Variants in FARS2 observed in about 807,000 individuals in gnomAD.
FARS2 encodes phenylalanine--tRNA ligase, mitochondrial.
In FARS2, 40 loss-of-function variants were observed where a neutral mutation model predicts 46.4. That is an observed-to-expected ratio of 0.86 (90% CI 0.67 to 1.12). The LOEUF (loss-of-function observed/expected upper bound fraction) is 1.12, where lower values mean the gene tolerates loss of function less well. Ranked by LOEUF, FARS2 falls within the 50% of genes most tolerant of loss-of-function variation. The pLI is 0.00. For synonymous variants in FARS2, 234 were observed against 214.9 expected (o/e 1.09, Z -0.78); for missense variants, 513 against 567.9 (o/e 0.90, Z 0.98).
intron 6 of FARS2, among the ~76,000 whole-genome samples, chr6:5,670,023 T>A (rs561181703): frequency 6.6e-6 from 1 of 152,332 alleles, no homozygotes; most frequent in South Asian, 2.1e-4. Context: ...TGATTTCTGT[T>A]CATATTCAAA....
At chr6:5,344,748 C>G (rs1177272445) in intron 1 of FARS2, among the ~76,000 whole-genome samples, 1 of 151,650 alleles carries the variant, frequency 6.6e-6, no homozygotes, top group Non-Finnish European at 1.5e-5. Flanking sequence ...CCCGCTTCTT[C>G]ACTATGTAAC....
At position 5,508,582 on chromosome 6, in the gene FARS2, A is replaced by G. The variant is rs1768241926; in HGVS notation, c.905-36598A>G. 3.3e-5 allele frequency among the ~76,000 whole-genome samples: 5 copies of G among 152,216 alleles called. No homozygotes were observed. In the South Asian group the frequency reaches 1.0e-3, roughly 31 times the overall value. ...CTGAAGCCCTCCCAGCAGTGGAGGA[A>G]AGCATGGGTGTACCCACAGGGAGGG... On this transcript the variant is annotated intron_variant, in intron 4 of 6. Transcript: ENST00000274680.
In FARS2 at chr6:5,338,271, A is replaced by G. The variant is rs181524210; in HGVS notation, c.-21-30279A>G. 3.6e-3 allele frequency among the ~76,000 whole-genome samples: 554 copies of G among 152,302 alleles called. 16 individuals are homozygous for G. The highest frequency in any genetic ancestry group is 1.1e-3 in the Non-Finnish European group (76 of 68,026). On this transcript the variant is annotated intron_variant, in intron 1 of 6. Coordinates refer to ENST00000274680, the MANE Select transcript of FARS2 (RefSeq NM_006567.5). ...TATTCATGTGAATTTCCTACTAACT[A>G]ACTTGCTCTCACGATGTGCTGTTTT... is the stretch of plus-strand genomic sequence containing the variant.
chr6:5,433,687 C>T (rs893501098), intron 4 of FARS2, among the ~76,000 whole-genome samples: 2 of 152,172 alleles, frequency 1.3e-5, no homozygotes, highest in Non-Finnish European at 2.9e-5. Context: ...CTTCAAATAC[C>T]TCTGTGATGA....
intron 5 of FARS2, among the ~76,000 whole-genome samples, chr6:5,603,396 A>G (rs1290297256): frequency 1.3e-5 from 2 of 152,224 alleles, no homozygotes; most frequent in Admixed American, 6.5e-5. Flanking sequence ...ACCCATCACA[A>G]AAGGAGGGTC....
At chr6:5,574,493 T>C (rs1772845765) in intron 5 of FARS2, among the ~76,000 whole-genome samples, 1 of 152,162 alleles carries the variant, frequency 6.6e-6, no homozygotes, top group Admixed American at 6.5e-5. Context: ...TATGCCTCCC[T>C]CAGGAAGAGA....
intron 2 of FARS2, among the ~76,000 whole-genome samples, chr6:5,402,423 A>G (rs1218982341): frequency 6.6e-6 from 1 of 151,760 alleles, no homozygotes; most frequent in Non-Finnish European, 1.5e-5. Context: ...TTGGATTTTC[A>G]TTAGTTGAGC....
At chr6:5,730,446 G>A (rs555781642) in intron 6 of FARS2, among the ~76,000 whole-genome samples, 1 of 152,140 alleles carries the variant, frequency 6.6e-6, no homozygotes, top group East Asian at 1.9e-4. Context: ...AAAATGTTTT[G>A]GTCACAGGGA....
chr6:5,416,888 C>T (rs1335993903), intron 3 of FARS2, among the ~76,000 whole-genome samples: 1 of 152,200 alleles, frequency 6.6e-6, no homozygotes, highest in Non-Finnish European at 1.5e-5. Context: ...TCCCTGTTTC[C>T]CATCTTGGCC....
intron 1 of FARS2, among the ~76,000 whole-genome samples, chr6:5,335,064 G>A (rs1368132573): frequency 1.3e-5 from 2 of 152,146 alleles, no homozygotes; most frequent in Non-Finnish European, 2.9e-5. Flanking sequence ...ACTGAATTTG[G>A]CTTCTAAGGT....
intron 1 of FARS2, among the ~76,000 whole-genome samples, chr6:5,330,654 T>C (rs1770735812): frequency 6.6e-6 from 1 of 152,192 alleles, no homozygotes; most frequent in Non-Finnish European, 1.5e-5. Flanking sequence ...TTTATGTTCA[T>C]TAACAGATAC....
chr6:5,687,638 C>T (rs1168784115), intron 6 of FARS2, among the ~76,000 whole-genome samples: 1 of 152,172 alleles, frequency 6.6e-6, no homozygotes, highest in Non-Finnish European at 1.5e-5. Flanking sequence ...AGGGTGATAC[C>T]TCCAGCTTTG....
intron 6 of FARS2, among the ~76,000 whole-genome samples, chr6:5,724,243 C>T (rs1760110736): frequency 1.3e-5 from 2 of 152,190 alleles, no homozygotes; most frequent in African/African-American, 4.8e-5. Flanking sequence ...CCACCGGTGC[C>T]CTCCCTGCTG....
At chr6:5,585,839 TTAGC>T (rs1366053178) in intron 5 of FARS2, among the ~76,000 whole-genome samples, 1 of 152,164 alleles carries the variant, frequency 6.6e-6, no homozygotes, top group Non-Finnish European at 1.5e-5. Context: ...TTTCCACATA[TTAGC>T]TAGTATAACT....
intron 6 of FARS2, among the ~76,000 whole-genome samples, chr6:5,698,101 GGAAATAT>G (rs1439010787): frequency 6.6e-5 from 10 of 152,242 alleles, no homozygotes; most frequent in Middle Eastern, 6.8e-3. Context: ...CACTGATTTA[GGAAATAT>G]CTTACTCACA....
At chr6:5,378,898 C>A (rs930874433) in intron 2 of FARS2, among the ~76,000 whole-genome samples, 1 of 152,194 alleles carries the variant, frequency 6.6e-6, no homozygotes, top group African/African-American at 2.4e-5. Flanking sequence ...GGGAAATACC[C>A]CATTATTGGA....
At chr6:5,487,054 T>A (rs1209944479) in intron 4 of FARS2, among the ~76,000 whole-genome samples, 2 of 152,216 alleles carry the variant, frequency 1.3e-5, no homozygotes, top group Admixed American at 6.5e-5. Context: ...TCCAGGGGTA[T>A]TGATGATTCT....
intron 6 of FARS2, among the ~76,000 whole-genome samples, chr6:5,713,853 G>A (rs992833543): frequency 6.6e-6 from 1 of 152,166 alleles, no homozygotes; most frequent in African/African-American, 2.4e-5. Flanking sequence ...AGAGAACAGT[G>A]GAAAAGCATA....
At position 5,624,368 on chromosome 6, in the gene FARS2, A is replaced by G. The variant is rs74953489; in HGVS notation, c.1217+11048A>G. On this transcript the variant is annotated intron_variant, in intron 6 of 6. Transcript: ENST00000274680. ...CTTGTTCCTCCTTGTTGCCCTGCAC[A>G]TCACCATTTGCCTAAAGATTCTTCG... is the stretch of plus-strand genomic sequence containing the variant. Among the ~76,000 whole-genome samples the G allele has an allele frequency of 3.9e-3, 590 of 152,266 alleles. 4 individuals are homozygous for G. Among genetic ancestry groups the G allele is most frequent in the African/African-American group, 0.013 (543 of 41,550 alleles).
Sources: gnomAD v4.1 joint callset for allele counts (sites outside exome capture counted in the v4.1 genomes callset) on GRCh38, gnomAD v4.1.1 for gene constraint, MANE v1.5 for transcripts, NCBI Gene and HGNC (gene_info 2026-07-23, HGNC 2026-07-21) for gene names.